The following GNL1 variants were observed in gnomAD, a reference collection of about 807,000 sequenced individuals.
GNL1 encodes guanine nucleotide-binding protein-like 1.
In GNL1, 21 loss-of-function variants were observed where a neutral mutation model predicts 75.2. The observed-to-expected ratio is 0.28, with a 90% CI of 0.20 to 0.40. The LOEUF is 0.40. Among genes scored for constraint, GNL1 ranks in the 10% least tolerant of loss-of-function variants. GNL1 has a pLI of 1.00. For synonymous variants in GNL1, 287 were observed against 303.4 expected (o/e 0.95, Z 0.56); for missense variants, 579 against 775.0 (o/e 0.75, Z 3.00).
intron 8 of GNL1, among the ~76,000 whole-genome samples, chr6:30,549,919 A>T (rs1401537791): frequency 6.7e-6 from 1 of 148,556 alleles, no homozygotes; most frequent in African/African-American, 2.5e-5. Context: ...TGCCTCCAGG[A>T]TTCAAGCAAT....
chr6:30,552,732 C>CA lies in GNL1; in HGVS notation c.905-72_905-71insT. The CA allele has an allele frequency of 1.5e-6, 2 of 1,353,606 alleles. No individual in the cohort carries two copies. Among genetic ancestry groups the CA allele is most frequent in the Non-Finnish European group, 2.1e-6 (2 of 973,206 alleles). 83.8% of individuals were successfully genotyped at this position (1,353,606 alleles called of 1,614,324 possible). Reference sequence around the variant, plus strand: ...TGTGCATGATGGCACATACTGTGCCCTGCACAGATTATGTAACTGGCACCC... The same window carrying CA: ...TGTGCATGATGGCACATACTGTGCCCATGCACAGATTATGTAACTGGCACCC... On this transcript the variant is annotated intron_variant, in intron 7 of 11. Transcript: ENST00000376621. This position sits in a 1 kb window ranked among gnomAD's most constrained non-coding sequence, Gnocchi z 4.5.
At position 30,555,697 on chromosome 6, in the gene GNL1, T is replaced by G; in HGVS notation, c.97A>C (p.Ser33Arg). 1 of 1,613,650 alleles carries G rather than the reference T, an allele frequency of 6.2e-7. No individual in the cohort carries two copies. The highest frequency in any genetic ancestry group is 8.5e-7 in the Non-Finnish European group (1 of 1,179,972). Residue 33 changes from serine (S) to arginine (R), a missense_variant, in exon 2 of 12, where the codon AGT (serine) becomes CGT (arginine). Physicochemically the swap from Ser to Arg is moderately radical, Grantham distance 110. Coordinates refer to ENST00000376621, the MANE Select transcript of GNL1 (RefSeq NM_005275.5). This position sits in a 1 kb window ranked among gnomAD's most constrained non-coding sequence, Gnocchi z 4.3. ...CGGCTCCCGCTGCGGCTGTTGGAAC[T>G]GGAGCGCAGCCCATCTTGAAGCCCT... ...KRGLQDGLRS[S>R]SNSRSGSRER...
chr6:30,554,738 C>T, intron 4 of GNL1, 26 bp downstream of exon 4: 1 of 1,611,772 alleles, frequency 6.2e-7, no homozygotes, highest in Non-Finnish European at 8.5e-7. Flanking sequence ...CTATGCCCCA[C>T]TCCTGTCCCT....
chr6:30,555,217 C>T lies in GNL1; in HGVS notation c.240-26G>A, dbSNP rs1800067785. On this transcript the variant is annotated intron_variant, in intron 2 of 11. Coordinates refer to ENST00000376621, the MANE Select transcript of GNL1 (RefSeq NM_005275.5). The surrounding 1 kb of genome is among the most constrained non-coding windows in gnomAD (Gnocchi z 4.3). ...CTAAGGGAACAGGGACCGAGACATC[C>T]AGAGCAATCCTGTGGCCACAAACTC... 6.2e-7 allele frequency: 1 copy of T among 1,612,810 alleles called. No individual in the cohort carries two copies. The highest frequency in any genetic ancestry group is 8.5e-7 in the Non-Finnish European group (1 of 1,179,876).
rs748295049 is a variant in GNL1, at chr6:30,555,209, G to A, written c.240-18C>T. On this transcript the variant is annotated intron_variant, in intron 2 of 11. Transcript: ENST00000376621. The surrounding 1 kb of genome is among the most constrained non-coding windows in gnomAD (Gnocchi z 4.3). The stretch of plus-strand genomic sequence containing the variant: ...GTCGGTATCTAAGGGAACAGGGACC[G>A]AGACATCCAGAGCAATCCTGTGGCC... The A allele has an allele frequency of 1.2e-6, 2 of 1,612,896 alleles. No homozygotes were observed. Among genetic ancestry groups the A allele is most frequent in the Non-Finnish European group, 1.7e-6 (2 of 1,179,948 alleles).
rs776096292 is a variant in GNL1, at chr6:30,542,960, C to G, written c.*3112G>C. ...ACCTTTCCTCATTTCTCCTTTGCACCCTCTGCCTCTGAACAAGTTACAGTC... is the reference window on the plus strand; with the variant it reads ...ACCTTTCCTCATTTCTCCTTTGCACGCTCTGCCTCTGAACAAGTTACAGTC... On this transcript the variant is annotated 3_prime_UTR_variant, in exon 12 of 12. Transcript: ENST00000376621. The surrounding 1 kb of genome is among the most constrained non-coding windows in gnomAD (Gnocchi z 4.5). The G allele has an allele frequency of 2.0e-5, 3 of 152,290 alleles. No homozygotes were observed. Among genetic ancestry groups the G allele is most frequent in the Non-Finnish European group, 4.4e-5 (3 of 68,080 alleles). 9.4% of individuals were successfully genotyped at this position (152,290 alleles called of 1,614,324 possible). A position where few individuals can be genotyped will look rare whatever the true frequency, so the allele number is the denominator to read the frequency against.
chr6:30,546,311 T>C lies in GNL1; in HGVS notation c.1585A>G (p.Thr529Ala). The C allele has an allele frequency of 1.3e-6, 2 of 1,590,430 alleles. No individual in the cohort carries two copies. The highest frequency in any genetic ancestry group is 1.7e-6 in the Non-Finnish European group (2 of 1,168,624). Residue 529 changes from threonine (T) to alanine (A), a missense_variant and splice_region_variant, in exon 12 of 12, where the codon ACC becomes GCC. Coordinates refer to ENST00000376621, the MANE Select transcript of GNL1 (RefSeq NM_005275.5). The surrounding 1 kb of genome is among the most constrained non-coding windows in gnomAD (Gnocchi z 5.1). ...HPPGYSEQKG[T>A]WESHPETTEL... ...GTGGTCTCTGGATGGGACTCCCAGG[T>C]GCCTGGGGAACCAAAACAAGAAAAA...
At chr6:30,550,144 T>C (rs1799684434) in intron 8 of GNL1, among the ~76,000 whole-genome samples, 1 of 152,164 alleles carries the variant, frequency 6.6e-6, no homozygotes, top group African/African-American at 2.4e-5. Flanking sequence ...TGGCTTTAAA[T>C]ACCACTTATA....
In GNL1 at chr6:30,546,626, TG is replaced by T; in HGVS notation, c.1582+69del. The T allele has an allele frequency of 7.7e-7, 1 of 1,300,864 alleles. No homozygotes were observed. The highest frequency in any genetic ancestry group is 1.1e-6 in the Non-Finnish European group (1 of 932,506). 80.6% of individuals were successfully genotyped at this position (1,300,864 alleles called of 1,614,324 possible). A position where few individuals can be genotyped will look rare whatever the true frequency, so the allele number is the denominator to read the frequency against. On this transcript the variant is annotated intron_variant, in intron 11 of 11. Coordinates refer to ENST00000376621, the MANE Select transcript of GNL1 (RefSeq NM_005275.5). The surrounding 1 kb of genome is among the most constrained non-coding windows in gnomAD (Gnocchi z 5.1). The stretch of plus-strand genomic sequence containing the variant: ...CAGAATCCAGGTTTGACCCTCTCTC[TG>T]GCCACAAAGCCCACACCCTTTTACC...
chr6:30,555,735 CGGT>C lies in GNL1; in HGVS notation c.74-18_74-16del. On this transcript the variant is annotated splice_polypyrimidine_tract_variant and intron_variant, in intron 1 of 11. Coordinates refer to ENST00000376621, the MANE Select transcript of GNL1 (RefSeq NM_005275.5). This position sits in a 1 kb window ranked among gnomAD's most constrained non-coding sequence, Gnocchi z 4.3. ...ATCTTGAAGCCCTGCGGGGAGGGGC[CGGT>C]GACGCCAGTGCTGGCCAGCTCTCAG... 1 of 1,612,306 alleles carries C rather than the reference CGGT, an allele frequency of 6.2e-7. No homozygotes were observed. The highest frequency in any genetic ancestry group is 8.5e-7 in the Non-Finnish European group (1 of 1,179,374).
Position 30,556,458 on chromosome 6 carries a change from G to A in GNL1, c.-255C>T, listed in dbSNP as rs1349696898. On this transcript the variant is annotated 5_prime_UTR_variant, in exon 1 of 12. Coordinates refer to ENST00000376621, the MANE Select transcript of GNL1 (RefSeq NM_005275.5). The surrounding 1 kb of genome is among the most constrained non-coding windows in gnomAD (Gnocchi z 5.7). ...GGGCTACTGGCACGTGAGAGCCAGT[G>A]GCACCGAGAGGGCGCCCCGGCGGCG... is the stretch of plus-strand genomic sequence containing the variant. The A allele has an allele frequency of 2.3e-5, 13 of 568,816 alleles. No individual in the cohort carries two copies. The highest frequency in any genetic ancestry group is 3.4e-5 in the Non-Finnish European group (11 of 319,666). The allele number at this position is 568,816 out of a possible 1,614,324, so 35.2% of individuals were successfully genotyped here. A position where few individuals can be genotyped will look rare whatever the true frequency, so the allele number is the denominator to read the frequency against.
At position 30,552,486 on chromosome 6, in the gene GNL1, C is replaced by T. The variant is rs1235058098; in HGVS notation, c.1080G>A (p.Val360=). The T allele has an allele frequency of 3.7e-6, 6 of 1,613,402 alleles. No individual in the cohort carries two copies. Among genetic ancestry groups the T allele is most frequent in the Non-Finnish European group, 5.1e-6 (6 of 1,179,540 alleles). Residue 360 remains valine, a synonymous_variant, in exon 8 of 12, where the codon GTG becomes GTA. Coordinates refer to ENST00000376621, the MANE Select transcript of GNL1 (RefSeq NM_005275.5). This position sits in a 1 kb window ranked among gnomAD's most constrained non-coding sequence, Gnocchi z 4.5. ...GPTQERYKDG[V]VTIGCVGFPN... ...CCTTACCCACACAGCCGATGGTCAC[C>T]ACCCCATCCTTGTAGCGCTCTTGGG...
rs1276380343 is a variant in GNL1 at position 30,544,428 on chromosome 6, C to T, written c.*1644G>A. The T allele has an allele frequency of 1.3e-5, 2 of 152,248 alleles. No homozygotes were observed. Among genetic ancestry groups the T allele is most frequent in the African/African-American group, 4.8e-5 (2 of 41,458 alleles). 9.4% of individuals were successfully genotyped at this position (152,248 alleles called of 1,614,324 possible). On this transcript the variant is annotated 3_prime_UTR_variant, in exon 12 of 12. Transcript: ENST00000376621. The stretch of plus-strand genomic sequence containing the variant: ...TCCAATGTCCTCACCCCACCTCCTG[C>T]AGCGGAGAAGTCCCCTGAGCATCTC...
Position 30,555,920 on chromosome 6 carries a change from T to C in GNL1, c.74-200A>G. On this transcript the variant is annotated intron_variant, in intron 1 of 11. Coordinates refer to ENST00000376621, the MANE Select transcript of GNL1 (RefSeq NM_005275.5). This position sits in a 1 kb window ranked among gnomAD's most constrained non-coding sequence, Gnocchi z 4.3. ...GAGCAGTGGGGACGGCGCCCCGTGC[T>C]AGCTGGAGGGATTCCCCTCCCCCAA... 1.3e-6 allele frequency: 1 copy of C among 792,526 alleles called. No homozygotes were observed. The highest frequency in any genetic ancestry group is 2.0e-6 in the Non-Finnish European group (1 of 497,856). 49.1% of individuals were successfully genotyped at this position (792,526 alleles called of 1,614,324 possible).
chr6:30,543,805 A>G lies in GNL1; in HGVS notation c.*2267T>C, dbSNP rs1252901364. The G allele has an allele frequency of 6.6e-6, 1 of 152,228 alleles. No homozygotes were observed. The highest frequency in any genetic ancestry group is 1.5e-5 in the Non-Finnish European group (1 of 68,044). 9.4% of individuals were successfully genotyped at this position (152,228 alleles called of 1,614,324 possible). A position where few individuals can be genotyped will look rare whatever the true frequency, so the allele number is the denominator to read the frequency against. On this transcript the variant is annotated 3_prime_UTR_variant, in exon 12 of 12. Coordinates refer to ENST00000376621, the MANE Select transcript of GNL1 (RefSeq NM_005275.5). ...CACACAGCTACCCTGTTCCAGAAGC[A>G]GGACTATAATCCCATCTGGAAAAAG...
In GNL1 at chr6:30,556,421, AT is replaced by A. The variant is rs1800202387; in HGVS notation, c.-219del. On this transcript the variant is annotated 5_prime_UTR_variant, in exon 1 of 12. Transcript: ENST00000376621. The surrounding 1 kb of genome is among the most constrained non-coding windows in gnomAD (Gnocchi z 5.7). ...TTCCCTCCAGGAGCGAGGCGAGAGG[AT>A]GATGCGGGGTGGGCTACTGGCACGT... 1.7e-6 allele frequency: 1 copy of A among 599,838 alleles called. No homozygotes were observed. Among genetic ancestry groups the A allele is most frequent in the Admixed American group, 3.0e-5 (1 of 33,340 alleles). The allele number at this position is 599,838 out of a possible 1,614,324, so 37.2% of individuals were successfully genotyped here. A position where few individuals can be genotyped will look rare whatever the true frequency, so the allele number is the denominator to read the frequency against.
Position 30,547,172 on chromosome 6 carries a change from G to A in GNL1, c.1381C>T (p.His461Tyr). 6.2e-7 allele frequency: 1 copy of A among 1,613,136 alleles called. No homozygotes were observed. The highest frequency in any genetic ancestry group is 8.5e-7 in the Non-Finnish European group (1 of 1,179,744). The change falls in exon 10 of 12, where the codon CAC (histidine) becomes TAC (tyrosine). Residue 461 changes from histidine (H) to tyrosine (Y), a missense_variant. Coordinates refer to ENST00000376621, the MANE Select transcript of GNL1 (RefSeq NM_005275.5). The surrounding 1 kb of genome is among the most constrained non-coding windows in gnomAD (Gnocchi z 5.5). ...GCTGAGGGGTCCTCAGCCTCTGGGT[G>A]GCGCAGGTGGAGCAGGGCCTGCACG... ...IPVQALLHLR[H>Y]PEAEDPSAEH... is the part of the protein sequence containing the mutation.
chr6:30,553,480 C>A lies in GNL1; in HGVS notation c.678G>T (p.Lys226Asn). Residue 226 changes from lysine (K) to asparagine (N), a missense_variant, in exon 6 of 12, where the codon AAG becomes AAT. Physicochemically the swap from Lys to Asn is moderately conservative, Grantham distance 94. Coordinates refer to ENST00000376621, the MANE Select transcript of GNL1 (RefSeq NM_005275.5). ...LGLALVLVLN[K>N]VDLAPPALVV... Reference sequence around the variant, plus strand: ...CAAGAGCTGGCGGGGCCAGATCCACCTTGTTCAAAACCAGCACCAGGGCCA... The same window carrying A: ...CAAGAGCTGGCGGGGCCAGATCCACATTGTTCAAAACCAGCACCAGGGCCA... The A allele has an allele frequency of 1.9e-6, 3 of 1,613,014 alleles. No individual in the cohort carries two copies. Among genetic ancestry groups the A allele is most frequent in the Non-Finnish European group, 2.5e-6 (3 of 1,179,982 alleles).
chr6:30,551,678 T>G (rs1440542457), intron 8 of GNL1, among the ~76,000 whole-genome samples: 1 of 152,184 alleles, frequency 6.6e-6, no homozygotes, highest in Non-Finnish European at 1.5e-5. Context: ...CTACTATGAT[T>G]TGATAATCAC....
Sources: allele counts gnomAD v4.1 joint callset (sites outside exome capture counted in the v4.1 genomes callset), GRCh38; gene constraint gnomAD v4.1.1; non-coding constraint Gnocchi (gnomAD v3.1); transcripts MANE v1.5; gene names NCBI Gene and HGNC (gene_info 2026-07-23, HGNC 2026-07-21).